The following PCDH9 variants were observed in gnomAD, a reference collection of about 807,000 sequenced individuals.
PCDH9 encodes protocadherin 9, also known as protocadherin-9.
PCDH9 carries 24 observed loss-of-function variants against 70.6 expected under a neutral mutation model. The ratio of observed to expected loss-of-function variants is 0.34; its 90% CI spans 0.25 to 0.48. The LOEUF (loss-of-function observed/expected upper bound fraction) is 0.48, where lower values mean the gene tolerates loss of function less well. PCDH9 is among the 20% of genes least tolerant of loss of function. The pLI is 0.99. For synonymous variants in PCDH9, 562 were observed against 558.5 expected, an observed-to-expected ratio of 1.01 and a Z score of -0.09; for missense variants, 1,281 against 1,503.6, an observed-to-expected ratio of 0.85 and a Z score of 2.45.
chr13:66,525,551 C>T (rs758502035), intron 4 of PCDH9, among the ~76,000 whole-genome samples: 23 of 151,976 alleles, frequency 1.5e-4, no homozygotes, highest in Non-Finnish European at 3.2e-4. Flanking sequence ...AAAATCAAAA[C>T]AAAACAAAAC....
intron 2 of PCDH9, chr13:67,213,206 CAAAAAAAAAAAAAAAAAAAAAA>C (rs34813503): frequency 1.5e-4 from 3 of 20,538 alleles, no homozygotes; most frequent in Non-Finnish European, 2.8e-4. Flanking sequence ...GACTCCGTCA[CAAAAAAAAAAAAAAAAAAAAAA>C]AAAAAAAAAA....
intron 3 of PCDH9, among the ~76,000 whole-genome samples, chr13:66,736,109 T>A (rs573700030): frequency 6.6e-6 from 1 of 152,208 alleles, no homozygotes; most frequent in South Asian, 2.1e-4. Flanking sequence ...ATTAATTAAA[T>A]ACAGCATACT....
intron 4 of PCDH9, among the ~76,000 whole-genome samples, chr13:66,548,490 A>G (rs568601842): frequency 6.6e-6 from 1 of 152,136 alleles, no homozygotes; most frequent in East Asian, 1.9e-4. Context: ...GCTTGAACCC[A>G]GGAGGTGGAG....
intron 3 of PCDH9, among the ~76,000 whole-genome samples, chr13:66,818,920 C>CTAG (rs771157632): frequency 2.7e-5 from 4 of 149,822 alleles, no homozygotes; most frequent in Non-Finnish European, 5.9e-5. Flanking sequence ...GGTGAAAGAG[C>CTAG]TAGACTCCCG....
chr13:66,789,315 C>T (rs968848499), intron 3 of PCDH9, among the ~76,000 whole-genome samples: 2 of 152,120 alleles, frequency 1.3e-5, no homozygotes, highest in African/African-American at 2.4e-5. Flanking sequence ...CAATCTCCCC[C>T]GTGGCTAATA....
chr13:66,792,697 AG>A (rs374283829), intron 3 of PCDH9, among the ~76,000 whole-genome samples: 2,439 of 152,210 alleles, frequency 0.016, 76 homozygotes, highest in African/African-American at 0.055. Flanking sequence ...AACCAAGCCA[AG>A]AAAACCCACC....
intron 3 of PCDH9, among the ~76,000 whole-genome samples, chr13:66,643,244 A>G (rs2138969744): frequency 6.6e-6 from 1 of 152,168 alleles, no homozygotes; most frequent in South Asian, 2.1e-4. Context: ...ATATGTAACT[A>G]CCTACTCTAC....
At chr13:66,911,989 C>T (rs927365097) in intron 2 of PCDH9, among the ~76,000 whole-genome samples, 2 of 152,070 alleles carry the variant, frequency 1.3e-5, no homozygotes, top group East Asian at 1.9e-4. Context: ...TTATTTACTG[C>T]GATAAAATCC....
chr13:66,987,496 G>C (rs2083915907), intron 2 of PCDH9, among the ~76,000 whole-genome samples: 1 of 151,854 alleles, frequency 6.6e-6, no homozygotes, highest in Non-Finnish European at 1.5e-5. Context: ...CTTTTTGAGT[G>C]AATTGCCACA....
intron 2 of PCDH9, among the ~76,000 whole-genome samples, chr13:67,080,284 T>C (rs941230132): frequency 6.6e-6 from 1 of 152,230 alleles, no homozygotes; most frequent in African/African-American, 2.4e-5. Context: ...TAAAACATAA[T>C]TTTTATCATT....
intron 2 of PCDH9, among the ~76,000 whole-genome samples, chr13:66,982,389 A>G (rs1055929560): frequency 1.3e-5 from 2 of 152,256 alleles, no homozygotes; most frequent in Non-Finnish European, 2.9e-5. Flanking sequence ...ATGTTTGCCT[A>G]TAGAACGCAC....
At chr13:66,884,535 A>T (rs2139547956) in intron 3 of PCDH9, among the ~76,000 whole-genome samples, 1 of 152,282 alleles carries the variant, frequency 6.6e-6, no homozygotes, top group South Asian at 2.1e-4. Flanking sequence ...TTCATTTTGA[A>T]GGAGCAGAAG....
intron 2 of PCDH9, among the ~76,000 whole-genome samples, chr13:67,137,062 T>A (rs1290568057): frequency 6.6e-6 from 1 of 152,014 alleles, no homozygotes; most frequent in African/African-American, 2.4e-5. Context: ...ACATGGCACA[T>A]GTATACATAT....
intron 2 of PCDH9, among the ~76,000 whole-genome samples, chr13:67,163,814 A>G (rs1446125609): frequency 1.3e-5 from 2 of 152,220 alleles, no homozygotes; most frequent in Non-Finnish European, 2.9e-5. Context: ...ATACATGATC[A>G]GGAAAACTAA....
intron 3 of PCDH9, among the ~76,000 whole-genome samples, chr13:66,894,894 G>T (rs1384526270): frequency 6.6e-6 from 1 of 151,548 alleles, no homozygotes; most frequent in Non-Finnish European, 1.5e-5. Flanking sequence ...TGCAACCTCC[G>T]ACTCCTGGGT....
chr13:67,200,881 A>G (rs567145974), intron 2 of PCDH9: 1 of 152,220 alleles, frequency 6.6e-6, no homozygotes, highest in Non-Finnish European at 1.5e-5. Flanking sequence ...CAAGGGCTAT[A>G]GCTGTTAACC....
At chr13:66,626,468 G>A (rs1473702701) in intron 4 of PCDH9, among the ~76,000 whole-genome samples, 1 of 152,196 alleles carries the variant, frequency 6.6e-6, no homozygotes. Flanking sequence ...GGACTGGAAT[G>A]AAGGCAGTCT....
chr13:66,375,625 C>G (rs907279729), intron 4 of PCDH9, among the ~76,000 whole-genome samples: 1 of 151,882 alleles, frequency 6.6e-6, no homozygotes, highest in East Asian at 1.9e-4. Context: ...GTAAATGTAG[C>G]CATGCTAGAA....
chr13:66,896,862 C>A (rs938513702), intron 3 of PCDH9, among the ~76,000 whole-genome samples: 3 of 152,280 alleles, frequency 2.0e-5, no homozygotes, highest in African/African-American at 7.2e-5. Context: ...TCTCCTGACA[C>A]CTGGCCTTCA....
Sources: allele counts gnomAD v4.1 joint callset (sites outside exome capture counted in the v4.1 genomes callset), GRCh38; gene constraint gnomAD v4.1.1; transcripts MANE v1.5; gene names NCBI Gene and HGNC (gene_info 2026-07-23, HGNC 2026-07-21).